IL1RAP: variants seen among roughly 807,000 people sequenced by gnomAD.
The protein encoded by IL1RAP is interleukin-1 receptor accessory protein.
IL1RAP carries 35 observed loss-of-function variants against 60.7 expected under a neutral mutation model. That is an observed-to-expected ratio of 0.58 (90% CI 0.44 to 0.76). The LOEUF is 0.76. Among genes scored for constraint, IL1RAP ranks in the 30% least tolerant of loss-of-function variants. The probability of loss-of-function intolerance (pLI) is 0.00; values close to 1 mark genes in which losing one functional copy is unlikely to be tolerated. For synonymous variants in IL1RAP, 268 were observed against 250.9 expected (o/e 1.07, Z -0.64); for missense variants, 572 against 693.9 (o/e 0.82, Z 1.97).
chr3:190,649,134 G>T lies in IL1RAP; in HGVS notation c.*429G>T, dbSNP rs1023979049. The T allele has an allele frequency of 6.1e-6, 6 of 987,160 alleles. No individual in the cohort carries two copies. Among genetic ancestry groups the T allele is most frequent in the Non-Finnish European group, 7.2e-6 (6 of 831,416 alleles). The allele number at this position is 987,160 out of a possible 1,614,324, so 61.2% of individuals were successfully genotyped here. On this transcript the variant is annotated 3_prime_UTR_variant, in exon 12 of 12. Transcript: ENST00000447382. ...TTTTCTTTTTATCTTATTTTTACTC[G>T]TCCGTTGAAAAGATAATCAAGGCCT...
At chr3:190,658,894 C>T (rs1003949086) in exon 12 of IL1RAP, 5 of 152,126 alleles carry the variant, frequency 3.3e-5, no homozygotes, top group African/African-American at 1.2e-4. Context: ...GACAGGCCAC[C>T]CTAACTAAAT....
At chr3:190,541,242 A>G (rs1001363902) in intron 1 of IL1RAP, among the ~76,000 whole-genome samples, 2 of 152,092 alleles carry the variant, frequency 1.3e-5, no homozygotes, top group Non-Finnish European at 2.9e-5. Context: ...TCTTCCTAGT[A>G]AAAGGCATTT....
chr3:190,588,789 G>A lies in IL1RAP; in HGVS notation c.65-15339G>A, dbSNP rs139385240. Among the ~76,000 whole-genome samples the A allele has an allele frequency of 2.8e-4, 42 of 152,238 alleles. No individual in the cohort carries two copies. The East Asian group carries it at 2.9e-3, about 11-fold the overall frequency. On this transcript the variant is annotated intron_variant, in intron 3 of 11. Transcript: ENST00000447382. Reference sequence around the variant, plus strand: ...GTTTTCTCTTTCCCAATAAACGTATGAGGCAAATGTTCTCAACCTTAGCAC... The same window carrying A: ...GTTTTCTCTTTCCCAATAAACGTATAAGGCAAATGTTCTCAACCTTAGCAC...
intron 1 of IL1RAP, among the ~76,000 whole-genome samples, chr3:190,525,239 A>C (rs944453917): frequency 6.6e-6 from 1 of 152,208 alleles, no homozygotes; most frequent in African/African-American, 2.4e-5. Flanking sequence ...AGCAACCAAC[A>C]TTGGAGGGAC....
chr3:190,587,930 G>T (rs187010599), intron 3 of IL1RAP, among the ~76,000 whole-genome samples: 3 of 152,082 alleles, frequency 2.0e-5, no homozygotes, highest in Non-Finnish European at 4.4e-5. Context: ...TGGGATCAAA[G>T]GATATAATAT....
chr3:190,522,322 C>G lies in IL1RAP; in HGVS notation c.-89+8103C>G, dbSNP rs543408089. Among the ~76,000 whole-genome samples, 604 of 150,036 alleles carry G rather than the reference C, an allele frequency of 4.0e-3. 8 individuals carry two copies. The highest frequency in any genetic ancestry group is 0.012 in the African/African-American group (480 of 40,456). On this transcript the variant is annotated intron_variant, in intron 1 of 11. Coordinates refer to ENST00000447382, the MANE Select transcript of IL1RAP (RefSeq NM_002182.4). ...CCTTCCTTCCTTCCTTCCTTCCTTC[C>G]TTCCTTCCTTCCTTCCTTCCTCCCT...
intron 3 of IL1RAP, among the ~76,000 whole-genome samples, chr3:190,599,712 T>C (rs1482949803): frequency 6.6e-6 from 1 of 151,220 alleles, no homozygotes; most frequent in East Asian, 1.9e-4. Context: ...TTTTTTTTTT[T>C]TTTTGAAAGG....
intron 1 of IL1RAP, among the ~76,000 whole-genome samples, chr3:190,545,511 G>A (rs1724293163): frequency 6.6e-6 from 1 of 152,138 alleles, no homozygotes; most frequent in African/African-American, 2.4e-5. Context: ...AAGCAACATG[G>A]GATTTTCTGT....
At chr3:190,611,142 A>G (rs1730788284) in intron 5 of IL1RAP, among the ~76,000 whole-genome samples, 1 of 152,212 alleles carries the variant, frequency 6.6e-6, no homozygotes, top group Non-Finnish European at 1.5e-5. Flanking sequence ...AATTAGAATT[A>G]TCATCACCTT....
intron 1 of IL1RAP, among the ~76,000 whole-genome samples, chr3:190,544,064 A>G (rs1724168574): frequency 6.6e-6 from 1 of 152,236 alleles, no homozygotes; most frequent in African/African-American, 2.4e-5. Context: ...CTCAGTTTTT[A>G]GGTCACCCTA....
chr3:190,535,238 C>A (rs1272168218), intron 1 of IL1RAP, among the ~76,000 whole-genome samples: 2 of 152,148 alleles, frequency 1.3e-5, no homozygotes, highest in East Asian at 3.9e-4. Context: ...AAGTCTCCTG[C>A]CTGCTTGTGC....
intron 1 of IL1RAP, among the ~76,000 whole-genome samples, chr3:190,530,855 T>C (rs185740796): frequency 6.6e-6 from 1 of 152,334 alleles, no homozygotes; most frequent in East Asian, 1.9e-4. Context: ...ATTATCTCAT[T>C]TGATTTGATA....
At chr3:190,565,953 T>C (rs1726350336) in intron 3 of IL1RAP, among the ~76,000 whole-genome samples, 1 of 151,960 alleles carries the variant, frequency 6.6e-6, no homozygotes, top group Non-Finnish European at 1.5e-5. Flanking sequence ...TTAGCCTTCT[T>C]TCTCTTCTCT....
intron 5 of IL1RAP, among the ~76,000 whole-genome samples, chr3:190,609,765 A>G (rs1476778768): frequency 6.6e-6 from 1 of 152,206 alleles, no homozygotes; most frequent in African/African-American, 2.4e-5. Flanking sequence ...AACATAACTC[A>G]GTGACTAGTT....
At chr3:190,601,734 G>T (rs1167773860) in intron 3 of IL1RAP, among the ~76,000 whole-genome samples, 1 of 151,964 alleles carries the variant, frequency 6.6e-6, no homozygotes, top group East Asian at 1.9e-4. Flanking sequence ...ATCTTGTGCG[G>T]CTCAGCTCGT....
At chr3:190,597,680 A>G (rs1729500496) in intron 3 of IL1RAP, among the ~76,000 whole-genome samples, 1 of 152,224 alleles carries the variant, frequency 6.6e-6, no homozygotes, top group Non-Finnish European at 1.5e-5. Flanking sequence ...CAAGGAGAAC[A>G]GAATTAATGA....
chr3:190,656,132 A>G (rs776661570), downstream of IL1RAP: 2 of 1,537,210 alleles, frequency 1.3e-6, no homozygotes, highest in Admixed American at 2.0e-5. Flanking sequence ...GAAAAGTCCA[A>G]ACATTCTGGC....
intron 3 of IL1RAP, among the ~76,000 whole-genome samples, chr3:190,577,971 T>G (rs905579797): frequency 6.6e-6 from 1 of 152,198 alleles, no homozygotes; most frequent in Non-Finnish European, 1.5e-5. Context: ...GGCCTCCAAC[T>G]GCATCGGTGT....
intron 3 of IL1RAP, among the ~76,000 whole-genome samples, chr3:190,573,519 G>T (rs531205436): frequency 6.6e-6 from 1 of 152,148 alleles, no homozygotes; most frequent in Non-Finnish European, 1.5e-5. Flanking sequence ...TCTCCCTCCC[G>T]CTGCATGCAG....
Sources: gnomAD v4.1 joint callset for allele counts (sites outside exome capture counted in the v4.1 genomes callset) on GRCh38, gnomAD v4.1.1 for gene constraint, MANE v1.5 for transcripts, NCBI Gene and HGNC (gene_info 2026-07-23, HGNC 2026-07-21) for gene names.